The following ZBED6 variants were observed in gnomAD, a reference collection of about 807,000 sequenced individuals.
The protein encoded by ZBED6 is zinc finger BED-type containing 6.
In ZBED6, 40 loss-of-function variants were observed where a neutral mutation model predicts 58.4. The observed-to-expected ratio is 0.68, with a 90% CI of 0.53 to 0.89. The LOEUF is 0.89. Ranked by LOEUF, ZBED6 falls within the 40% of genes least tolerant of loss-of-function variation. ZBED6 has a pLI of 0.00. For synonymous variants in ZBED6, 439 were observed against 350.6 expected, an observed-to-expected ratio of 1.25 and a Z score of -2.82; for missense variants, 1,057 against 1,003.9, an observed-to-expected ratio of 1.05 and a Z score of -0.71.
rs578020092 is a variant in ZBED6 at position 203,842,597 on chromosome 1, C to T, written c.*3741+2223C>T. The stretch of plus-strand genomic sequence containing the variant: ...AACTTTGGTGGCATCAGAGGGAGAC[C>T]GGGGAGAGGGGGAGGGGGAGGGGGA... On this transcript the variant is annotated intron_variant, in intron 11 of 16. Transcript: ENST00000550078. Among the ~76,000 whole-genome samples, 801 of 100,712 alleles carry T rather than the reference C, an allele frequency of 8.0e-3. 3 individuals carry two copies. Among genetic ancestry groups the T allele is most frequent in the African/African-American group, 0.026 (680 of 25,888 alleles). 66.1% of individuals were successfully genotyped at this position (100,712 alleles called of 152,430 possible).
At chr1:203,832,242 G>A (rs1354263763) in intron 8 of ZBED6, among the ~76,000 whole-genome samples, 1 of 152,044 alleles carries the variant, frequency 6.6e-6, no homozygotes, top group East Asian at 1.9e-4. Flanking sequence ...TGTATTTTTA[G>A]TAGAGACGGG....
chr1:203,840,523 G>T, intron 11 of ZBED6, 149 bp downstream of exon 11: 1 of 675,472 alleles, frequency 1.5e-6, no homozygotes. Flanking sequence ...GATCAAGTCA[G>T]CTCAGACTCA....
chr1:203,797,522 A>G, exon 1 of ZBED6: 1 of 1,494,890 alleles, frequency 6.7e-7, no homozygotes, highest in East Asian at 2.5e-5. Flanking sequence ...ACATAAAGAG[A>G]ATGAGTGTAT....
rs1572170723 is a variant in ZBED6, at chr1:203,829,320, C to T, written c.*2998-131C>T. The stretch of plus-strand genomic sequence containing the variant: ...CTTTTCCCTCCCTGGGACTTTAGAA[C>T]TTAAATGAGGAAATTTAGTATAAAT... On this transcript the variant is annotated intron_variant, in intron 4 of 16. Transcript: ENST00000550078. The T allele has an allele frequency of 1.4e-5, 13 of 916,116 alleles. No homozygotes were observed. The East Asian group carries it at 2.6e-4, about 18-fold the overall frequency. 56.7% of individuals were successfully genotyped at this position (916,116 alleles called of 1,614,324 possible).
chr1:203,802,393 A>G (rs1197365297), exon 1 of ZBED6: 3 of 152,504 alleles, frequency 2.0e-5, no homozygotes, highest in African/African-American at 7.2e-5. Context: ...AAAAGGGGAA[A>G]CTTATCCAAA....
At chr1:203,834,069 C>T in intron 9 of ZBED6, 1 of 1,218,172 alleles carries the variant, frequency 8.2e-7, no homozygotes, top group Non-Finnish European at 1.0e-6. Context: ...ATGACCATGA[C>T]CAGCGTTTTG....
At position 203,830,297 on chromosome 1, in the gene ZBED6, A is replaced by G. The variant is rs780669923; in HGVS notation, c.*3399+94A>G. Reference sequence around the variant, plus strand: ...AGCAACAGCCAAAATGAGCAAATAGATTTTCATTTCCATGGCCTGTTTGAA... The same window carrying G: ...AGCAACAGCCAAAATGAGCAAATAGGTTTTCATTTCCATGGCCTGTTTGAA... On this transcript the variant is annotated intron_variant, in intron 7 of 16. Transcript: ENST00000550078. The G allele has an allele frequency of 5.6e-5, 54 of 958,688 alleles. 1 individual carries two copies. In the Middle Eastern group the frequency reaches 1.3e-3, roughly 24 times the overall value. The allele number at this position is 958,688 out of a possible 1,614,324, so 59.4% of individuals were successfully genotyped here.
exon 9 of ZBED6, chr1:203,833,813 G>T (rs1304583379): frequency 6.2e-7 from 1 of 1,609,384 alleles, no homozygotes; most frequent in Non-Finnish European, 8.5e-7. Context: ...TGGTTAGATT[G>T]AGTCTTACTG....
intron 1 of ZBED6, among the ~76,000 whole-genome samples, chr1:203,815,232 T>TTTTTTTTTTTG (rs1675938494): frequency 6.8e-6 from 1 of 146,250 alleles, no homozygotes; most frequent in Non-Finnish European, 1.5e-5. Context: ...TTTTTTTTTT[T>TTTTTTTTTTTG]GAGACAGTGT....
chr1:203,818,535 A>G lies in ZBED6; in HGVS notation c.*2754-35A>G, dbSNP rs187133380. The G allele has an allele frequency of 3.3e-4, 529 of 1,613,118 alleles. 1 individual carries two copies. In the African/African-American group the frequency reaches 3.3e-3, roughly 10 times the overall value. On this transcript the variant is annotated intron_variant, in intron 2 of 16. Coordinates refer to ENST00000550078, the Ensembl canonical transcript of ZBED6. ...GATATTTTACCTAGGATGTATTTCA[A>G]TGCTACAAATAGAGTGTTCTCTATT...
rs529948263 is a variant in ZBED6 at position 203,809,158 on chromosome 1, G to C, written c.*2554+6142G>C. The stretch of plus-strand genomic sequence containing the variant: ...GTTTTCTTATTATTTTTGAAGCTTT[G>C]TTTTCTTCTCACTGTTTTTTTTTTT... On this transcript the variant is annotated intron_variant, in intron 1 of 16. Coordinates refer to ENST00000550078, the Ensembl canonical transcript of ZBED6. 2.9e-3 allele frequency among the ~76,000 whole-genome samples: 337 copies of C among 117,646 alleles called. 1 individual carries two copies. The highest frequency in any genetic ancestry group is 5.2e-3 in the Non-Finnish European group (295 of 56,416). 77.2% of individuals were successfully genotyped at this position (117,646 alleles called of 152,430 possible).
intron 16 of ZBED6, 131 bp downstream of exon 16, chr1:203,851,255 A>G: frequency 3.7e-6 from 3 of 805,702 alleles, no homozygotes; most frequent in Non-Finnish European, 5.8e-6. Context: ...TAATTGCAAG[A>G]AAGTATGAAA....
intron 9 of ZBED6, among the ~76,000 whole-genome samples, chr1:203,834,571 T>C (rs1683602775): frequency 6.6e-6 from 1 of 152,208 alleles, no homozygotes. Flanking sequence ...CATGCTTGGC[T>C]GCTATTTTAT....
intron 1 of ZBED6, among the ~76,000 whole-genome samples, chr1:203,813,214 T>C (rs965793863): frequency 2.6e-5 from 4 of 151,846 alleles, no homozygotes; most frequent in Non-Finnish European, 5.9e-5. Flanking sequence ...TTTTGTTTTT[T>C]GTTTTTTTTT....
At chr1:203,808,505 T>G (rs1373359112) in intron 1 of ZBED6, among the ~76,000 whole-genome samples, 1 of 152,214 alleles carries the variant, frequency 6.6e-6, no homozygotes, top group Non-Finnish European at 1.5e-5. Flanking sequence ...TAAGGAAATG[T>G]TCTTATATTG....
chr1:203,838,008 G>T, exon 10 of ZBED6: 1 of 1,614,204 alleles, frequency 6.2e-7, no homozygotes, highest in South Asian at 1.1e-5. Context: ...CTGGCACAGA[G>T]GCTAGGGAAG....
chr1:203,825,152 GC>G (rs1009036685), intron 3 of ZBED6, among the ~76,000 whole-genome samples: 1 of 150,870 alleles, frequency 6.6e-6, no homozygotes, highest in African/African-American at 2.4e-5. Flanking sequence ...TATTTGTCTT[GC>G]GTTTCATATT....
chr1:203,800,235 T>C, exon 1 of ZBED6: 1 of 1,299,634 alleles, frequency 7.7e-7, no homozygotes, highest in South Asian at 1.3e-5. Context: ...TGCCATCCAG[T>C]ATCTAAGTTG....
chr1:203,816,484 C>G (rs901625856), intron 1 of ZBED6, among the ~76,000 whole-genome samples: 2 of 151,848 alleles, frequency 1.3e-5, no homozygotes, highest in Non-Finnish European at 1.5e-5. Context: ...AAAAAATTAG[C>G]TGGGTATAGT....
Sources: allele counts gnomAD v4.1 joint callset (sites outside exome capture counted in the v4.1 genomes callset), GRCh38; gene constraint gnomAD v4.1.1; transcripts MANE v1.5; gene names NCBI Gene and HGNC (gene_info 2026-07-23, HGNC 2026-07-21).